LRBA: variants seen among roughly 807,000 people sequenced by gnomAD.
LRBA encodes lipopolysaccharide-responsive and beige-like anchor protein.
A neutral mutation model predicts 330.0 loss-of-function variants in LRBA; 176 were observed. The observed-to-expected ratio is 0.53, with a 90% confidence interval of 0.47 to 0.60. The LOEUF is 0.60. Among genes scored for constraint, LRBA ranks in the 20% least tolerant of loss-of-function variants. The pLI is 0.00. For missense variants in LRBA, 3,259 were observed against 3,444.8 expected (o/e 0.95, Z 1.35); for synonymous variants, 1,230 against 1,193.0 (o/e 1.03, Z -0.64).
intron 2 of LRBA, among the ~76,000 whole-genome samples, chr4:150,995,578 T>C (rs545575021): frequency 1.3e-5 from 2 of 152,128 alleles, no homozygotes; most frequent in East Asian, 1.9e-4. Flanking sequence ...TGCTTATTGA[T>C]AGTCATACAA....
chr4:150,779,642 A>G (rs1737889795), intron 34 of LRBA, among the ~76,000 whole-genome samples: 1 of 152,132 alleles, frequency 6.6e-6, no homozygotes, highest in African/African-American at 2.4e-5. Context: ...GAAAATCATT[A>G]TTTATTAAGT....
At chr4:150,809,632 A>G (rs1254549735) in intron 31 of LRBA, among the ~76,000 whole-genome samples, 1 of 152,170 alleles carries the variant, frequency 6.6e-6, no homozygotes, top group Non-Finnish European at 1.5e-5. Context: ...AGACAGGAGG[A>G]CTGCTTGAGC....
At chr4:150,419,072 T>C (rs116557628) in intron 46 of LRBA, among the ~76,000 whole-genome samples, 2,396 of 152,208 alleles carry the variant, frequency 0.016, 37 homozygotes, top group Non-Finnish European at 0.02. Flanking sequence ...AGTGCCTCTA[T>C]GTGAAATAGA....
At chr4:150,914,093 CTTTT>C in intron 9 of LRBA, 98 bp downstream of exon 9, 1 of 720,476 alleles carries the variant, frequency 1.4e-6, no homozygotes, top group Non-Finnish European at 2.1e-6. Context: ...TCTCATTTTT[CTTTT>C]TTTTTTTTGT....
intron 47 of LRBA, among the ~76,000 whole-genome samples, chr4:150,396,009 G>T (rs1316920553): frequency 6.6e-6 from 1 of 152,162 alleles, no homozygotes; most frequent in Non-Finnish European, 1.5e-5. Flanking sequence ...TGAGTGGGCT[G>T]CGGGATGCCC....
chr4:150,631,361 C>T (rs914488275), intron 37 of LRBA, among the ~76,000 whole-genome samples: 4 of 151,816 alleles, frequency 2.6e-5, no homozygotes, highest in African/African-American at 4.8e-5. Flanking sequence ...ACTTGTTTCT[C>T]GGAATGAGAG....
chr4:150,465,015 C>T (rs1581394649), intron 44 of LRBA, among the ~76,000 whole-genome samples: 1 of 152,050 alleles, frequency 6.6e-6, no homozygotes, highest in East Asian at 1.9e-4. Context: ...ACTTGCAATC[C>T]TGAAACTCTA....
intron 40 of LRBA, among the ~76,000 whole-genome samples, chr4:150,529,555 A>C (rs1397513148): frequency 6.6e-6 from 1 of 152,102 alleles, no homozygotes; most frequent in Non-Finnish European, 1.5e-5. Flanking sequence ...ATTTCTACTA[A>C]GAATACAAAA....
At chr4:150,414,073 C>T (rs569515341) in intron 47 of LRBA, among the ~76,000 whole-genome samples, 69 of 152,214 alleles carry the variant, frequency 4.5e-4, no homozygotes, top group African/African-American at 1.6e-3. Context: ...TTTCTGAGTG[C>T]CTACTATAAG....
chr4:150,870,992 C>T (rs1361906765), intron 19 of LRBA, among the ~76,000 whole-genome samples: 20 of 152,064 alleles, frequency 1.3e-4, no homozygotes, highest in African/African-American at 3.6e-4. Context: ...GCCTGTAATC[C>T]CAGCACTTTG....
At chr4:150,292,522 G>C (rs1181855080) in intron 53 of LRBA, among the ~76,000 whole-genome samples, 2 of 152,082 alleles carry the variant, frequency 1.3e-5, no homozygotes, top group African/African-American at 2.4e-5. Flanking sequence ...CCTATTCCTA[G>C]TTTTGTACAA....
intron 2 of LRBA, among the ~76,000 whole-genome samples, chr4:150,942,286 A>G (rs765436344): frequency 6.6e-6 from 1 of 152,154 alleles, no homozygotes; most frequent in Non-Finnish European, 1.5e-5. Flanking sequence ...GTAAAAAACT[A>G]TGTCCATGTC....
At chr4:150,837,169 A>G (rs948056708) in intron 28 of LRBA, among the ~76,000 whole-genome samples, 4 of 152,142 alleles carry the variant, frequency 2.6e-5, no homozygotes, top group Admixed American at 1.3e-4. Flanking sequence ...ATGGTTTGTT[A>G]TAATTTCTGT....
chr4:150,926,508 T>C (rs150851331), intron 4 of LRBA, among the ~76,000 whole-genome samples: 1,570 of 152,270 alleles, frequency 0.01, 18 homozygotes, highest in Non-Finnish European at 0.019. Flanking sequence ...AGTCTAACAA[T>C]CTTAAAAGGA....
At chr4:150,606,450 C>T (rs572700912) in intron 37 of LRBA, among the ~76,000 whole-genome samples, 1 of 152,096 alleles carries the variant, frequency 6.6e-6, no homozygotes, top group East Asian at 1.9e-4. Flanking sequence ...CAACTATGTA[C>T]CAGATTGTGG....
At chr4:150,339,518 C>CT (rs1735215818) in intron 48 of LRBA, among the ~76,000 whole-genome samples, 1 of 151,986 alleles carries the variant, frequency 6.6e-6, no homozygotes, top group African/African-American at 2.4e-5. Context: ...TTGTGTTTGG[C>CT]TTTTTTTCTC....
At chr4:150,529,403 A>G (rs75671521) in intron 40 of LRBA, among the ~76,000 whole-genome samples, 2,930 of 152,244 alleles carry the variant, frequency 0.019, 41 homozygotes, top group Middle Eastern at 0.061. Context: ...ATGTAAAACA[A>G]ACAATATTAG....
rs529436855 is a variant in LRBA, at chr4:150,954,206, G to A, written c.217-25141C>T. ...CAGAAGGTGGGGGGCCCCTCTGCCC[G>A]GCCACCCCGTCTGGGAAGTGAGGAG... On this transcript the variant is annotated intron_variant, in intron 2 of 56. Transcript: ENST00000651943. Among the ~76,000 whole-genome samples the A allele has an allele frequency of 4.6e-3, 632 of 137,756 alleles. 6 individuals are homozygous for A. Among genetic ancestry groups the A allele is most frequent in the African/African-American group, 0.016 (583 of 37,144 alleles). 90.4% of individuals were successfully genotyped at this position (137,756 alleles called of 152,430 possible). A position where few individuals can be genotyped will look rare whatever the true frequency, so the allele number is the denominator to read the frequency against.
intron 30 of LRBA, among the ~76,000 whole-genome samples, chr4:150,824,990 C>G (rs1426656571): frequency 2.6e-5 from 4 of 151,820 alleles, no homozygotes; most frequent in Non-Finnish European, 4.4e-5. Flanking sequence ...GTCTCAAATT[C>G]CTGGACTCAA....
Sources: gnomAD v4.1 joint callset for allele counts (sites outside exome capture counted in the v4.1 genomes callset) on GRCh38, gnomAD v4.1.1 for gene constraint, MANE v1.5 for transcripts, NCBI Gene and HGNC (gene_info 2026-07-23, HGNC 2026-07-21) for gene names.